The following WDR44 variants were observed in gnomAD, a reference collection of about 807,000 sequenced individuals.
WDR44 encodes WD repeat-containing protein 44.
In WDR44, 9 loss-of-function variants were observed where a neutral mutation model predicts 65.7. The observed-to-expected ratio is 0.14, with a 90% CI of 0.08 to 0.24. The LOEUF (loss-of-function observed/expected upper bound fraction) is 0.24. WDR44 is among the 10% of genes least tolerant of loss of function. WDR44 has a pLI of 1.00. For missense variants in WDR44, 425 were observed against 670.9 expected (o/e 0.63, Z 4.05); for synonymous variants, 220 against 235.2 (o/e 0.94, Z 0.59).
At chrX:118,416,286 G>A (rs1198151655) in intron 12 of WDR44, among the ~76,000 whole-genome samples, 1 of 111,429 alleles carries the variant, frequency 9.0e-6, no homozygotes, top group East Asian at 2.8e-4. Flanking sequence ...ATGTCAGTTT[G>A]TGCTCTTTGA....
At chrX:118,417,664 C>CGT (rs2057068705) in intron 12 of WDR44, among the ~76,000 whole-genome samples, 1 of 111,812 alleles carries the variant, frequency 8.9e-6, no homozygotes, top group African/African-American at 3.2e-5. Context: ...TGTGCCTACG[C>CGT]GATGATCATT....
intron 1 of WDR44, among the ~76,000 whole-genome samples, chrX:118,373,641 A>G (rs1052712091): frequency 9.0e-6 from 1 of 111,481 alleles, no homozygotes; most frequent in African/African-American, 3.3e-5. Flanking sequence ...CAGTGTTTTC[A>G]TAATTATCTT....
intron 2 of WDR44, among the ~76,000 whole-genome samples, chrX:118,379,031 G>A (rs1269766622): frequency 1.9e-5 from 2 of 106,025 alleles, no homozygotes; most frequent in Admixed American, 1.1e-4. Context: ...GTGACAGAGC[G>A]AGACTCCACC....
chrX:118,447,038 T>C, intron 19 of WDR44: 2 of 316,867 alleles, frequency 6.3e-6, no homozygotes, highest in South Asian at 2.8e-5. Flanking sequence ...GCTAATTTTT[T>C]TTTTTTTTTT....
At chrX:118,432,075 T>A (rs1006839829) in intron 12 of WDR44, among the ~76,000 whole-genome samples, 5 of 112,187 alleles carry the variant, frequency 4.5e-5, no homozygotes, top group African/African-American at 1.3e-4. Context: ...TGCTTTTGAC[T>A]TCAAATAACA....
At position 118,356,585 on chromosome X, in the gene WDR44, T is replaced by C. The variant is rs945985808; in HGVS notation, c.77+10005T>C. Among the ~76,000 whole-genome samples, 3 of 110,156 alleles carry C rather than the reference T, an allele frequency of 2.7e-5. No individual in the cohort carries two copies. In the East Asian group the frequency reaches 8.5e-4, roughly 31 times the overall value. On this transcript the variant is annotated intron_variant, in intron 1 of 19. Coordinates refer to ENST00000254029, the MANE Select transcript of WDR44 (RefSeq NM_019045.5). ...GCAGTCACAGAGAGTGACTGCTTTG[T>C]CACTCTTTGTGACTACCTACCTAAT...
At chrX:118,433,915 G>A (rs1324887301) in intron 13 of WDR44, among the ~76,000 whole-genome samples, 1 of 101,112 alleles carries the variant, frequency 9.9e-6, no homozygotes. Flanking sequence ...AACCTTATGC[G>A]ATTGTTGATG....
intron 2 of WDR44, among the ~76,000 whole-genome samples, chrX:118,379,918 A>G (rs1464840506): frequency 9.0e-6 from 1 of 111,301 alleles, no homozygotes; most frequent in Non-Finnish European, 1.9e-5. Flanking sequence ...CACCTCTCAA[A>G]CTTCATATCC....
At chrX:118,372,297 A>G (rs1194894817) in intron 1 of WDR44, among the ~76,000 whole-genome samples, 1 of 111,533 alleles carries the variant, frequency 9.0e-6, no homozygotes, top group Non-Finnish European at 1.9e-5. Context: ...TGGGAGAGCT[A>G]AGAGTAGAAC....
chrX:118,392,555 C>T (rs1482384442), intron 3 of WDR44, 77 bp from the exon 4 acceptor site: 12 of 825,549 alleles, frequency 1.5e-5, no homozygotes, highest in Non-Finnish European at 1.9e-5. Context: ...ATACTAAGTA[C>T]TATGTAAATG....
At chrX:118,373,615 T>C (rs1330965611) in intron 1 of WDR44, among the ~76,000 whole-genome samples, 1 of 111,748 alleles carries the variant, frequency 8.9e-6, no homozygotes, top group East Asian at 2.8e-4. Flanking sequence ...TTGGTGCTCA[T>C]ACACAGCACC....
chrX:118,439,820 AAG>A (rs750230762), intron 14 of WDR44, among the ~76,000 whole-genome samples: 324 of 103,868 alleles, frequency 3.1e-3, no homozygotes, highest in African/African-American at 0.012. Flanking sequence ...AGGAAAAAAA[AAG>A]AAGAAGAAGA....
At chrX:118,419,458 TG>T (rs1218331724) in intron 12 of WDR44, among the ~76,000 whole-genome samples, 2 of 109,034 alleles carry the variant, frequency 1.8e-5, no homozygotes, top group Non-Finnish European at 3.8e-5. Flanking sequence ...GTTTCCCCAG[TG>T]GGGGTGTGTG....
intron 10 of WDR44, among the ~76,000 whole-genome samples, chrX:118,407,879 T>TC (rs773585771): frequency 8.9e-6 from 1 of 112,417 alleles, no homozygotes; most frequent in East Asian, 2.8e-4. Context: ...GTGCCCTTGA[T>TC]CAGGGAATCT....
intron 19 of WDR44, 113 bp downstream of exon 19, chrX:118,444,607 T>C: frequency 1.2e-6 from 1 of 844,137 alleles, no homozygotes; most frequent in Non-Finnish European, 1.6e-6. Flanking sequence ...TTTTTTCTTT[T>C]TTCTTAAGAC....
intron 1 of WDR44, among the ~76,000 whole-genome samples, chrX:118,351,294 CTG>C (rs780356083): frequency 8.9e-6 from 1 of 112,175 alleles, no homozygotes; most frequent in East Asian, 2.8e-4. Context: ...GTCATGGGAA[CTG>C]AGACCAAACT....
chrX:118,380,862 T>C (rs990261614), intron 2 of WDR44, among the ~76,000 whole-genome samples: 1 of 112,165 alleles, frequency 8.9e-6, no homozygotes, highest in African/African-American at 3.2e-5. Context: ...ATAGAACTTT[T>C]GCTGAGCTTT....
chrX:118,365,541 T>C (rs765866867), intron 1 of WDR44, among the ~76,000 whole-genome samples: 1 of 111,402 alleles, frequency 9.0e-6, no homozygotes, highest in Non-Finnish European at 1.9e-5. Flanking sequence ...AGAAAAATTT[T>C]GGGGTCCTGT....
intron 1 of WDR44, among the ~76,000 whole-genome samples, chrX:118,356,759 T>A (rs1307173065): frequency 9.1e-6 from 1 of 109,500 alleles, no homozygotes; most frequent in African/African-American, 3.3e-5. Flanking sequence ...AAACTTGATC[T>A]ACATAGTGTG....
Sources: allele counts gnomAD v4.1 joint callset (sites outside exome capture counted in the v4.1 genomes callset), GRCh38; gene constraint gnomAD v4.1.1; transcripts MANE v1.5; gene names NCBI Gene and HGNC (gene_info 2026-07-23, HGNC 2026-07-21).